The following HJURP variants were observed in gnomAD, a reference collection of about 807,000 sequenced individuals.
HJURP encodes the protein Holliday junction recognition protein.
HJURP carries 49 observed loss-of-function variants against 72.0 expected under a neutral mutation model. The ratio of observed to expected loss-of-function variants is 0.68; its 90% CI spans 0.54 to 0.86. The LOEUF (loss-of-function observed/expected upper bound fraction) is 0.86, where lower values mean the gene tolerates loss of function less well. Ranked by LOEUF, HJURP falls within the 40% of genes least tolerant of loss-of-function variation. The pLI is 0.00. For synonymous variants in HJURP, 357 were observed against 347.1 expected (o/e 1.03, Z -0.32); for missense variants, 908 against 936.3 (o/e 0.97, Z 0.39).
At chr2:233,851,024 G>A (rs916233407) in intron 3 of HJURP, among the ~76,000 whole-genome samples, 6 of 152,214 alleles carry the variant, frequency 3.9e-5, no homozygotes, top group African/African-American at 9.6e-5. Flanking sequence ...AGATGTCCCC[G>A]CTGAAATCTC....
At chr2:233,854,049 C>CA in intron 1 of HJURP, 139 bp from the exon 2 acceptor site, 1 of 691,318 alleles carries the variant, frequency 1.4e-6, no homozygotes, top group Non-Finnish European at 2.5e-6. Context: ...GCGGAGCCCC[C>CA]AACTCCGCCT....
chr2:233,847,297 G>T, intron 5 of HJURP, 100 bp downstream of exon 5: 1 of 869,018 alleles, frequency 1.2e-6, no homozygotes, highest in Non-Finnish European at 1.9e-6. Context: ...TTCCAGAAAA[G>T]TGCAGGCAGC....
At chr2:233,849,270 C>T (rs773741098) in intron 4 of HJURP, among the ~76,000 whole-genome samples, 10 of 151,992 alleles carry the variant, frequency 6.6e-5, no homozygotes, top group Non-Finnish European at 1.3e-4. Context: ...TGAGTCTGAG[C>T]GCATCTAAAT....
In HJURP at chr2:233,845,723, AT is replaced by A; in HGVS notation, c.495+4del. 1.3e-6 allele frequency: 2 copies of A among 1,560,126 alleles called. No homozygotes were observed. Among genetic ancestry groups the A allele is most frequent in the Non-Finnish European group, 1.8e-6 (2 of 1,134,690 alleles). ...ATAAAAACAAACAACTGGGAAACAGATTACCTCAAAATACTCTGCACCTTGT... is the reference window on the plus strand; with the variant it reads ...ATAAAAACAAACAACTGGGAAACAGATACCTCAAAATACTCTGCACCTTGT... On this transcript the variant is annotated splice_donor_region_variant and intron_variant, in intron 6 of 8. Transcript: ENST00000411486.
rs181626334 is a variant in HJURP, at chr2:233,846,152, T to C, written c.403-332A>G. ...TAATAACTTCAAACTGGTAAGTTTA[T>C]AAGAAATTCAGTGCTCCTGGCTGGG... On this transcript the variant is annotated intron_variant, in intron 5 of 8. Coordinates refer to ENST00000411486, the MANE Select transcript of HJURP (RefSeq NM_018410.5). This position sits in a 1 kb window ranked among gnomAD's most constrained non-coding sequence, Gnocchi z 4.3. The C allele has an allele frequency of 3.2e-4, 66 of 205,460 alleles. No homozygotes were observed. The highest frequency in any genetic ancestry group is 1.5e-3 in the African/African-American group (64 of 43,086). 12.7% of individuals were successfully genotyped at this position (205,460 alleles called of 1,614,324 possible).
At position 233,853,855 on chromosome 2, in the gene HJURP, T is replaced by G; in HGVS notation, c.173A>C (p.Glu58Ala). 1 of 1,613,974 alleles carries G rather than the reference T, an allele frequency of 6.2e-7. No homozygotes were observed. The highest frequency in any genetic ancestry group is 1.6e-4 in the Middle Eastern group (1 of 6,062). Residue 58 changes from glutamate to alanine, a missense_variant, in exon 2 of 9, where the codon GAG (glutamate) becomes GCG (alanine). Transcript: ENST00000411486. ...PVVQMATLTYETPQGLRIWGG... is the reference protein window; with the variant it reads ...PVVQMATLTYATPQGLRIWGG... ...GGGAAGACCCTTACCCTGTGGCGTC[T>G]CGTAGGTCAGCGTGGCCATTTGCAC...
intron 1 of HJURP, 79 bp from the exon 2 acceptor site, chr2:233,853,989 C>T: frequency 1.6e-6 from 2 of 1,283,696 alleles, no homozygotes; most frequent in Non-Finnish European, 1.1e-6. Flanking sequence ...GGCGCCAGCC[C>T]GTGAGAGGCC....
chr2:233,848,107 C>T (rs994975505), intron 4 of HJURP, among the ~76,000 whole-genome samples: 2 of 152,120 alleles, frequency 1.3e-5, no homozygotes, highest in African/African-American at 4.8e-5. Flanking sequence ...CACCAGCTTC[C>T]CTTTAGCGAC....
In HJURP at chr2:233,837,305, CAA is replaced by C; in HGVS notation, c.*270_*271del. ...TCTCAAAAACAAACAAACAAACAAACAAACAAACAAATAACCCCCCCCCAAAA... is the reference window on the plus strand; with the variant it reads ...TCTCAAAAACAAACAAACAAACAAACACAAACAAATAACCCCCCCCCAAAA... On this transcript the variant is annotated 3_prime_UTR_variant, in exon 9 of 9. Transcript: ENST00000411486. 1 of 343,862 alleles carries C rather than the reference CAA, an allele frequency of 2.9e-6. No individual in the cohort carries two copies. Among genetic ancestry groups the C allele is most frequent in the Non-Finnish European group, 5.3e-6 (1 of 189,440 alleles). 21.3% of individuals were successfully genotyped at this position (343,862 alleles called of 1,614,324 possible).
At position 233,846,838 on chromosome 2, in the gene HJURP, T is replaced by C. The variant is rs1405115226; in HGVS notation, c.402+559A>G. Among the ~76,000 whole-genome samples the C allele has an allele frequency of 6.6e-6, 1 of 152,160 alleles. No homozygotes were observed. Among genetic ancestry groups the C allele is most frequent in the East Asian group, 1.9e-4 (1 of 5,184 alleles). Reference sequence around the variant, plus strand: ...TGGTTAAGCTCTGTGTAAATTCGCATCTATCCCAACCAAGGAGGATAAGAA... The same window carrying C: ...TGGTTAAGCTCTGTGTAAATTCGCACCTATCCCAACCAAGGAGGATAAGAA... On this transcript the variant is annotated intron_variant, in intron 5 of 8. Transcript: ENST00000411486. The surrounding 1 kb of genome is among the most constrained non-coding windows in gnomAD (Gnocchi z 4.3).
intron 6 of HJURP, among the ~76,000 whole-genome samples, chr2:233,845,146 G>A (rs1397915714): frequency 1.3e-5 from 2 of 151,672 alleles, no homozygotes; most frequent in African/African-American, 4.8e-5. Flanking sequence ...CCCGTGTGTG[G>A]CCCCAATAGA....
chr2:233,854,495 C>T lies in HJURP; in HGVS notation c.6G>A (p.Leu2=). 1 of 1,610,764 alleles carries T rather than the reference C, an allele frequency of 6.2e-7. No individual in the cohort carries two copies. Among genetic ancestry groups the T allele is most frequent in the South Asian group, 1.1e-5 (1 of 90,806 alleles). Residue 2 remains leucine (L), a synonymous_variant, in exon 1 of 9, where the codon CTG becomes CTA. Transcript: ENST00000411486. ...CGCCCTCCATGGCGCGCAGCGTACC[C>T]AGCATCGGACCCAGCCAGTACCCAA... M[L]GTLRAMEGED...
At position 233,837,571 on chromosome 2, in the gene HJURP, A is replaced by C. The variant is rs759768017; in HGVS notation, c.*6T>G. 8.8e-6 allele frequency: 14 copies of C among 1,586,956 alleles called. No individual in the cohort carries two copies. The highest frequency in any genetic ancestry group is 1.2e-5 in the Non-Finnish European group (14 of 1,156,822). ...GGAAGATAAATAACACTCCGAAATA[A>C]CCTAGCTACACACTTTTAGTTTCCA... On this transcript the variant is annotated 3_prime_UTR_variant, in exon 9 of 9. Transcript: ENST00000411486.
intron 6 of HJURP, among the ~76,000 whole-genome samples, chr2:233,844,999 G>A (rs893962481): frequency 6.6e-5 from 10 of 152,008 alleles, no homozygotes; most frequent in African/African-American, 1.5e-4. Flanking sequence ...CTCAGCAGGC[G>A]GGACAGGTGC....
In HJURP at chr2:233,851,311, T is replaced by C. The variant is rs1351505601; in HGVS notation, c.240+1254A>G. Among the ~76,000 whole-genome samples, 5 of 152,336 alleles carry C rather than the reference T, an allele frequency of 3.3e-5. No homozygotes were observed. In the East Asian group the frequency reaches 5.8e-4, roughly 18 times the overall value. ...AAGAGACAAGGACCGGGATTTTCTC[T>C]GAAAACCATTTCTAACAGAGGCTTT... On this transcript the variant is annotated intron_variant, in intron 3 of 8. Transcript: ENST00000411486.
Position 233,841,527 on chromosome 2 carries a change from G to C in HJURP, c.1253C>G (p.Ser418Cys), listed in dbSNP as rs1319622355. The C allele has an allele frequency of 1.2e-6, 2 of 1,614,042 alleles. No homozygotes were observed. Among genetic ancestry groups the C allele is most frequent in the South Asian group, 1.1e-5 (1 of 91,084 alleles). Residue 418 changes from serine (S) to cysteine (C), a missense_variant, in exon 8 of 9, where the codon TCC becomes TGC. Transcript: ENST00000411486. ...ATGGCCCTGTCGTATTGTTGGTCTGGAAACTATTTTTACAGGAGAAATTAA... is the reference window on the plus strand; with the variant it reads ...ATGGCCCTGTCGTATTGTTGGTCTGCAAACTATTTTTACAGGAGAAATTAA... ...KWLISPVKIV[S>C]RPTIRQGHGE...
chr2:233,840,511 T>C, intron 8 of HJURP, 98 bp downstream of exon 8: 1 of 1,255,472 alleles, frequency 8.0e-7, no homozygotes. Context: ...TCGGCTGAGA[T>C]TCACTAAACG....
At position 233,837,658 on chromosome 2, in the gene HJURP, A is replaced by T; in HGVS notation, c.2172-6T>A. 1.5e-6 allele frequency: 2 copies of T among 1,319,240 alleles called. No homozygotes were observed. The highest frequency in any genetic ancestry group is 2.1e-6 in the Non-Finnish European group (2 of 966,418). 81.7% of individuals were successfully genotyped at this position (1,319,240 alleles called of 1,614,324 possible). ...TGTAAGACGTGTTCTCTCCTCTAGG[A>T]AAAAAAAAAGACAAAGAAAATGATG... On this transcript the variant is annotated splice_region_variant and splice_polypyrimidine_tract_variant and intron_variant, in intron 8 of 8. Coordinates refer to ENST00000411486, the MANE Select transcript of HJURP (RefSeq NM_018410.5).
At chr2:233,852,653 T>A (rs1408514073) in intron 2 of HJURP, 33 bp from the exon 3 acceptor site, 14 of 1,508,834 alleles carry the variant, frequency 9.3e-6, no homozygotes, top group Non-Finnish European at 1.3e-5. Context: ...ACCATTTACA[T>A]AATCCTGAAC....
Sources: gnomAD v4.1 joint callset for allele counts (sites outside exome capture counted in the v4.1 genomes callset) on GRCh38, gnomAD v4.1.1 for gene constraint, Gnocchi (gnomAD v3.1) non-coding constraint, MANE v1.5 for transcripts, NCBI Gene and HGNC (gene_info 2026-07-23, HGNC 2026-07-21) for gene names.